RBFOX3: variants seen among roughly 807,000 people sequenced by gnomAD.
RBFOX3 encodes the protein RNA binding protein fox-1 homolog 3.
A neutral mutation model predicts 48.7 loss-of-function variants in RBFOX3; 17 were observed. The ratio of observed to expected loss-of-function variants is 0.35; its 90% confidence interval spans 0.24 to 0.52. The LOEUF is 0.52. Among genes scored for constraint, RBFOX3 ranks in the 20% least tolerant of loss-of-function variants. The pLI is 0.94. For missense variants in RBFOX3, 382 were observed against 497.5 expected (o/e 0.77, Z 2.21); for synonymous variants, 212 against 209.5 (o/e 1.01, Z -0.10).
intron 3 of RBFOX3, among the ~76,000 whole-genome samples, chr17:79,304,374 A>G (rs907677388): frequency 1.6e-4 from 24 of 150,814 alleles, no homozygotes; most frequent in African/African-American, 5.6e-4. Flanking sequence ...ATAGGTATAT[A>G]TGTACATATA....
chr17:79,631,792 G>A, the RBFOX3 span, among the ~76,000 whole-genome samples: 2 of 152,212 alleles, frequency 1.3e-5, no homozygotes, highest in East Asian at 1.9e-4. Context: ...CAGGACACAG[G>A]CAGACCCAGC....
At chr17:79,096,042 A>AG (rs1265219800) in intron 12 of RBFOX3, among the ~76,000 whole-genome samples, 1 of 152,182 alleles carries the variant, frequency 6.6e-6, no homozygotes, top group Non-Finnish European at 1.5e-5. Context: ...GGAAGGGTCA[A>AG]GGGTAAAGGG....
Position 79,360,872 on chromosome 17 carries a change from G to A in RBFOX3, c.-174-53048C>T, listed in dbSNP as rs540208097. ...AACAGATTAAATTATGTTGGGGGAA[G>A]GGGAGTGGCAATATGAGTTTGAAAT... On this transcript the variant is annotated intron_variant, in intron 2 of 14. Coordinates refer to ENST00000693108, the MANE Select transcript of RBFOX3 (RefSeq NM_001350451.2). Among the ~76,000 whole-genome samples the A allele has an allele frequency of 4.0e-5, 6 of 151,620 alleles. No homozygotes were observed. In the South Asian group the frequency reaches 1.0e-3, roughly 26 times the overall value.
chr17:79,389,447 C>T (rs1457660310), intron 2 of RBFOX3, among the ~76,000 whole-genome samples: 1 of 151,998 alleles, frequency 6.6e-6, no homozygotes, highest in Non-Finnish European at 1.5e-5. Context: ...CTCTACAAGC[C>T]AGCTGACAGC....
intron 3 of RBFOX3, among the ~76,000 whole-genome samples, chr17:79,275,104 G>GCCTCTCTCTCCATGTCTC (rs1195494062): frequency 1.5e-5 from 2 of 132,754 alleles, no homozygotes; most frequent in Non-Finnish European, 3.3e-5. Flanking sequence ...CCTTCTCTCT[G>GCCTCTCTCTCCATGTCTC]CCTCTCTCTC....
At chr17:79,264,969 G>C (rs112775408) in intron 3 of RBFOX3, among the ~76,000 whole-genome samples, 4 of 151,956 alleles carry the variant, frequency 2.6e-5, no homozygotes, top group South Asian at 4.2e-4. Context: ...GAGAGGAGGG[G>C]GGGGGGGCGC....
intron 1 of RBFOX3, among the ~76,000 whole-genome samples, chr17:79,514,168 C>G (rs2084919073): frequency 6.6e-6 from 1 of 152,198 alleles, no homozygotes; most frequent in Non-Finnish European, 1.5e-5. Context: ...GAGGAAGCCA[C>G]TGGAAGCAGC....
intron 14 of RBFOX3, chr17:79,092,126 A>G (rs74001532): frequency 0.1 from 101,863 of 985,358 alleles, 5,615 homozygotes; most frequent in African/African-American, 0.16. Flanking sequence ...CACTAGGGCC[A>G]TGGCACGGGG....
At chr17:79,461,088 T>C (rs529927336) in intron 2 of RBFOX3, among the ~76,000 whole-genome samples, 1 of 152,348 alleles carries the variant, frequency 6.6e-6, no homozygotes, top group South Asian at 2.1e-4. Context: ...CTGCAAAGGA[T>C]GCATAAACTG....
intron 4 of RBFOX3, among the ~76,000 whole-genome samples, chr17:79,131,298 G>T (rs1027708156): frequency 5.9e-5 from 9 of 152,088 alleles, no homozygotes; most frequent in African/African-American, 2.2e-4. Flanking sequence ...TATTCCATGT[G>T]CCCTCCGTGT....
chr17:79,182,225 T>A (rs150603594), intron 4 of RBFOX3, among the ~76,000 whole-genome samples: 183 of 152,168 alleles, frequency 1.2e-3, no homozygotes, highest in African/African-American at 3.7e-3. Flanking sequence ...GAGCCTGAAG[T>A]GCTCACAATC....
intron 1 of RBFOX3, among the ~76,000 whole-genome samples, chr17:79,557,195 C>T (rs2091827919): frequency 7.1e-6 from 1 of 140,246 alleles, no homozygotes. Flanking sequence ...CACTGCACTC[C>T]AGCCTGGGTG....
intron 1 of RBFOX3, among the ~76,000 whole-genome samples, chr17:79,532,208 G>A (rs1049410976): frequency 8.8e-4 from 134 of 152,244 alleles, no homozygotes; most frequent in Non-Finnish European, 1.0e-3. Context: ...GAGGGGGGAG[G>A]GGAGGAGGAA....
At chr17:79,250,068 C>A (rs1005709567) in intron 3 of RBFOX3, among the ~76,000 whole-genome samples, 1 of 152,174 alleles carries the variant, frequency 6.6e-6, no homozygotes, top group Non-Finnish European at 1.5e-5. Flanking sequence ...GCTGGCTCAA[C>A]CGGATTCAGA....
intron 4 of RBFOX3, among the ~76,000 whole-genome samples, chr17:79,215,040 A>G (rs1368094329): frequency 6.6e-6 from 1 of 151,900 alleles, no homozygotes; most frequent in East Asian, 1.9e-4. Context: ...GGCTTGGGGG[A>G]GTGACATGAG....
rs1045864309 is a variant in RBFOX3 at position 79,364,649 on chromosome 17, G to A, written c.-174-56825C>T. 2.0e-5 allele frequency among the ~76,000 whole-genome samples: 3 copies of A among 152,180 alleles called. No homozygotes were observed. Among genetic ancestry groups the A allele is most frequent in the African/African-American group, 7.2e-5 (3 of 41,434 alleles). ...GGTGACGGGGAGCGGGCGTGAGCAG[G>A]TCGGATAGCCTGCTGTTTGCTTTCT... is the stretch of plus-strand genomic sequence containing the variant. On this transcript the variant is annotated intron_variant, in intron 2 of 14. Transcript: ENST00000693108. This position sits in a 1 kb window ranked among gnomAD's most constrained non-coding sequence, Gnocchi z 5.1.
chr17:79,416,942 C>T (rs1210636395), intron 2 of RBFOX3, among the ~76,000 whole-genome samples: 1 of 152,220 alleles, frequency 6.6e-6, no homozygotes, highest in Admixed American at 6.5e-5. Flanking sequence ...TGTTCCTTAC[C>T]CGCATCCGAG....
At chr17:79,191,251 A>C (rs1279780191) in intron 4 of RBFOX3, among the ~76,000 whole-genome samples, 2 of 152,218 alleles carry the variant, frequency 1.3e-5, no homozygotes, top group Non-Finnish European at 2.9e-5. Flanking sequence ...CACGTGCAGC[A>C]CTGTAGAGAG....
the RBFOX3 span, among the ~76,000 whole-genome samples, chr17:79,624,964 G>A: frequency 1.3e-5 from 2 of 152,200 alleles, no homozygotes; most frequent in Admixed American, 6.5e-5. Flanking sequence ...GACTGGGGAA[G>A]GCAGCATGTG....
Sources: gnomAD v4.1 joint callset for allele counts (sites outside exome capture counted in the v4.1 genomes callset) on GRCh38, gnomAD v4.1.1 for gene constraint, Gnocchi (gnomAD v3.1) non-coding constraint, MANE v1.5 for transcripts, NCBI Gene and HGNC (gene_info 2026-07-23, HGNC 2026-07-21) for gene names.